RBMS3: variants seen among roughly 807,000 people sequenced by gnomAD.
RBMS3 encodes the protein RNA-binding motif, single-stranded-interacting protein 3.
A neutral mutation model predicts 66.8 loss-of-function variants in RBMS3; 27 were observed. The ratio of observed to expected loss-of-function variants is 0.40; its 90% confidence interval spans 0.30 to 0.56. The LOEUF is 0.56. RBMS3 is among the 20% of genes least tolerant of loss of function. The probability of loss-of-function intolerance (pLI) is 0.40; values close to 1 mark genes in which losing one functional copy is unlikely to be tolerated. For missense variants in RBMS3, 513 were observed against 549.5 expected (o/e 0.93, Z 0.66); for synonymous variants, 188 against 183.0 (o/e 1.03, Z -0.22).
At chr3:29,655,086 C>A (rs759643345) in intron 4 of RBMS3, among the ~76,000 whole-genome samples, 1 of 152,098 alleles carries the variant, frequency 6.6e-6, no homozygotes, top group Non-Finnish European at 1.5e-5. Flanking sequence ...TCAGTGTCTT[C>A]ATCTGTGAAA....
intron 4 of RBMS3, among the ~76,000 whole-genome samples, chr3:29,687,902 T>C (rs1425017499): frequency 6.6e-6 from 1 of 152,192 alleles, no homozygotes. Context: ...TAGTATAGAA[T>C]GATAATTACA....
At chr3:29,717,878 T>C (rs781038081) in intron 4 of RBMS3, among the ~76,000 whole-genome samples, 3 of 152,146 alleles carry the variant, frequency 2.0e-5, no homozygotes, top group Non-Finnish European at 2.9e-5. Context: ...TAACATCAGA[T>C]TTTGCTGCAA....
chr3:29,719,551 A>G (rs2053550747), intron 4 of RBMS3, among the ~76,000 whole-genome samples: 1 of 152,144 alleles, frequency 6.6e-6, no homozygotes, highest in Non-Finnish European at 1.5e-5. Context: ...CACTACTCTT[A>G]TTAGGTGAAA....
rs144606834 is a variant in RBMS3, at chr3:29,537,152, G to T, written c.307+48653G>T. ...GTGTTTTTAGATTTTTACTAAAGGG[G>T]AATGAAAGAGAAGGTAAAAAAGGTA... is the stretch of plus-strand genomic sequence containing the variant. On this transcript the variant is annotated intron_variant, in intron 3 of 14. Coordinates refer to ENST00000383767, the MANE Select transcript of RBMS3 (RefSeq NM_001003793.3). Among the ~76,000 whole-genome samples the T allele has an allele frequency of 8.6e-4, 131 of 152,178 alleles. No individual in the cohort carries two copies. In the Middle Eastern group the frequency reaches 0.014, roughly 16 times the overall value.
intron 4 of RBMS3, among the ~76,000 whole-genome samples, chr3:29,650,635 G>A (rs952384682): frequency 2.6e-5 from 4 of 152,158 alleles, no homozygotes; most frequent in South Asian, 2.1e-4. Flanking sequence ...GTTCATTGTG[G>A]CAGCCAAAGT....
At chr3:29,580,546 C>G (rs2047288188) in intron 3 of RBMS3, among the ~76,000 whole-genome samples, 1 of 151,936 alleles carries the variant, frequency 6.6e-6, no homozygotes, top group African/African-American at 2.4e-5. Flanking sequence ...ATAAACTCCA[C>G]TGCATTTAAA....
chr3:29,385,080 G>C (rs1011158972), intron 1 of RBMS3, among the ~76,000 whole-genome samples: 10 of 152,144 alleles, frequency 6.6e-5, no homozygotes, highest in Non-Finnish European at 1.0e-4. Context: ...AGACTAAACA[G>C]TAGATACTCT....
At chr3:29,638,855 G>A (rs2049572239) in intron 4 of RBMS3, among the ~76,000 whole-genome samples, 1 of 151,738 alleles carries the variant, frequency 6.6e-6, no homozygotes, top group African/African-American at 2.4e-5. Context: ...TTTTGTTGTT[G>A]ATCAGACATT....
At chr3:29,569,122 C>T (rs182645505) in intron 3 of RBMS3, among the ~76,000 whole-genome samples, 16 of 152,218 alleles carry the variant, frequency 1.1e-4, no homozygotes, top group East Asian at 7.7e-4. Flanking sequence ...ACCTCTCAGG[C>T]GAGGTGCTTT....
chr3:29,935,498 G>T (rs2061243861), intron 10 of RBMS3, among the ~76,000 whole-genome samples: 1 of 152,050 alleles, frequency 6.6e-6, no homozygotes, highest in Non-Finnish European at 1.5e-5. Flanking sequence ...ATAGAAAACA[G>T]GTCAAAAGGT....
intron 6 of RBMS3, among the ~76,000 whole-genome samples, chr3:29,804,920 C>CGTGTGTGTGTGTGTGTGT (rs10576635): frequency 6.8e-6 from 1 of 146,328 alleles, no homozygotes; most frequent in African/African-American, 2.5e-5. Flanking sequence ...TCTGCGTGTA[C>CGTGTGTGTGTGTGTGTGT]GTGTGTGTGT....
At chr3:29,976,876 C>T (rs942222097) in intron 12 of RBMS3, among the ~76,000 whole-genome samples, 1 of 151,956 alleles carries the variant, frequency 6.6e-6, no homozygotes, top group Admixed American at 6.6e-5. Context: ...GAGGTAATAC[C>T]GCTCCTCTCC....
intron 5 of RBMS3, among the ~76,000 whole-genome samples, chr3:29,750,474 C>T (rs994995007): frequency 1.3e-5 from 2 of 152,136 alleles, no homozygotes; most frequent in Non-Finnish European, 2.9e-5. Context: ...TATATCAAGA[C>T]ATATCTGAAT....
At chr3:29,475,002 A>G (rs2042896119) in intron 2 of RBMS3, among the ~76,000 whole-genome samples, 1 of 152,182 alleles carries the variant, frequency 6.6e-6, no homozygotes, top group African/African-American at 2.4e-5. Flanking sequence ...TATATAAAGC[A>G]TTGTGAAGGG....
chr3:29,984,745 C>T (rs571305331), intron 12 of RBMS3, among the ~76,000 whole-genome samples: 1 of 152,162 alleles, frequency 6.6e-6, no homozygotes, highest in African/African-American at 2.4e-5. Context: ...GCAGAGGCTG[C>T]AGAACAGCAA....
At chr3:29,989,699 C>T (rs1266091191) in intron 13 of RBMS3, among the ~76,000 whole-genome samples, 1 of 152,182 alleles carries the variant, frequency 6.6e-6, no homozygotes, top group African/African-American at 2.4e-5. Flanking sequence ...TTAAATCTTT[C>T]ATGTGTTCTA....
chr3:29,930,768 C>G (rs1220751395), intron 10 of RBMS3, among the ~76,000 whole-genome samples: 2 of 151,500 alleles, frequency 1.3e-5, no homozygotes, highest in Non-Finnish European at 2.9e-5. Flanking sequence ...TAGCATTAGT[C>G]AAACTTTTTT....
chr3:29,355,474 T>C (rs1332666796), intron 1 of RBMS3, among the ~76,000 whole-genome samples: 1 of 150,462 alleles, frequency 6.6e-6, no homozygotes, highest in African/African-American at 2.5e-5. Context: ...AAATTGCCAT[T>C]TTTAATATCT....
At chr3:29,538,378 C>T (rs111698002) in intron 3 of RBMS3, among the ~76,000 whole-genome samples, 36 of 152,192 alleles carry the variant, frequency 2.4e-4, no homozygotes, top group African/African-American at 8.4e-4. Flanking sequence ...ACCAAGAGCA[C>T]TAACAGGAAG....
Sources: allele counts gnomAD v4.1 joint callset (sites outside exome capture counted in the v4.1 genomes callset), GRCh38; gene constraint gnomAD v4.1.1; transcripts MANE v1.5; gene names NCBI Gene and HGNC (gene_info 2026-07-23, HGNC 2026-07-21).